SLC26A8: variants seen among roughly 807,000 people sequenced by gnomAD.
SLC26A8 encodes testis anion transporter 1.
Under a neutral mutation model 105.0 loss-of-function variants are expected in SLC26A8, and 70 were observed. That is an observed-to-expected ratio of 0.67 (90% confidence interval 0.55 to 0.81). The LOEUF (loss-of-function observed/expected upper bound fraction) is 0.81, where lower values mean the gene tolerates loss of function less well. SLC26A8 is among the 40% of genes least tolerant of loss of function. SLC26A8 has a pLI of 0.00. For missense variants in SLC26A8, 998 were observed against 1,181.8 expected (o/e 0.84, Z 2.28); for synonymous variants, 415 against 438.3 (o/e 0.95, Z 0.66).
intron 11 of SLC26A8, among the ~76,000 whole-genome samples, chr6:35,965,726 C>A (rs1313599643): frequency 6.7e-6 from 1 of 148,912 alleles, no homozygotes; most frequent in Non-Finnish European, 1.5e-5. Flanking sequence ...CATTTTTGTT[C>A]ACACCTGTAA....
chr6:35,973,745 C>T (rs943216082), intron 10 of SLC26A8, among the ~76,000 whole-genome samples: 2 of 152,162 alleles, frequency 1.3e-5, no homozygotes, highest in Non-Finnish European at 1.5e-5. Flanking sequence ...CACATATTTG[C>T]CCATGGACTA....
chr6:35,968,004 C>T (rs1307647812), intron 11 of SLC26A8, among the ~76,000 whole-genome samples: 1 of 151,600 alleles, frequency 6.6e-6, no homozygotes, highest in Non-Finnish European at 1.5e-5. Flanking sequence ...CCTGTCACCA[C>T]ACCCAGCTAA....
rs185292457 is a variant in SLC26A8 at position 35,963,408 on chromosome 6, C to T, written c.1366-787G>A. On this transcript the variant is annotated intron_variant, in intron 11 of 19. Coordinates refer to ENST00000490799, the MANE Select transcript of SLC26A8 (RefSeq NM_052961.4). ...AACTCGTTTTACAACCCTAAGCTCC[C>T]GCCTTAAGGTCTATGAATGCTCCTA... 7.9e-4 allele frequency among the ~76,000 whole-genome samples: 121 copies of T among 152,294 alleles called. 2 individuals are homozygous for T. Among genetic ancestry groups the T allele is most frequent in the African/African-American group, 2.5e-3 (105 of 41,554 alleles).
At chr6:35,958,760 A>C (rs1772195158) in intron 16 of SLC26A8, among the ~76,000 whole-genome samples, 1 of 152,156 alleles carries the variant, frequency 6.6e-6, no homozygotes, top group Non-Finnish European at 1.5e-5. Context: ...CTTTGTGTAT[A>C]GAGAGAGCTG....
At chr6:35,956,271 CT>C (rs1416888959) in intron 16 of SLC26A8, among the ~76,000 whole-genome samples, 6 of 150,986 alleles carry the variant, frequency 4.0e-5, no homozygotes. Flanking sequence ...TCGTGCCCCC[CT>C]GCCCCCTCCC....
intron 8 of SLC26A8, among the ~76,000 whole-genome samples, chr6:35,980,048 T>C (rs1051686684): frequency 2.0e-5 from 3 of 152,204 alleles, no homozygotes; most frequent in African/African-American, 4.8e-5. Flanking sequence ...TCCTAGCTTA[T>C]TGCAACCTCC....
At chr6:36,022,728 CTTATTA>C (rs1169662294) in intron 1 of SLC26A8, among the ~76,000 whole-genome samples, 1 of 151,842 alleles carries the variant, frequency 6.6e-6, no homozygotes, top group East Asian at 2.0e-4. Flanking sequence ...GCATGGTTTC[CTTATTA>C]TTTTTTTTAA....
At chr6:35,962,370 C>A (rs1344079927) in intron 12 of SLC26A8, among the ~76,000 whole-genome samples, 156 bp downstream of exon 12, 2 of 152,118 alleles carry the variant, frequency 1.3e-5, no homozygotes, top group African/African-American at 2.4e-5. Flanking sequence ...GTACCAACAA[C>A]CTTGACTCTC....
intron 7 of SLC26A8, among the ~76,000 whole-genome samples, chr6:35,986,935 G>A (rs1286700136): frequency 6.6e-6 from 1 of 151,938 alleles, no homozygotes; most frequent in African/African-American, 2.4e-5. Flanking sequence ...GAACATGAGA[G>A]TGCAGGTATC....
At chr6:36,009,862 T>C (rs538188901) in intron 3 of SLC26A8, among the ~76,000 whole-genome samples, 2 of 152,276 alleles carry the variant, frequency 1.3e-5, no homozygotes, top group East Asian at 3.9e-4. Context: ...AAAGGGTACA[T>C]GGGTTCTATC....
At chr6:36,000,552 C>T (rs1221374392) in intron 3 of SLC26A8, among the ~76,000 whole-genome samples, 1 of 152,156 alleles carries the variant, frequency 6.6e-6, no homozygotes, top group Non-Finnish European at 1.5e-5. Context: ...TGTGTTGGTT[C>T]TCTTCCATAG....
intron 1 of SLC26A8, among the ~76,000 whole-genome samples, chr6:36,022,993 G>T (rs2127379302): frequency 7.0e-6 from 1 of 142,352 alleles, no homozygotes; most frequent in African/African-American, 2.5e-5. Context: ...GTCTTGCTAG[G>T]TAGAAAAAAA....
chr6:35,978,146 GAAA>G (rs199662420), intron 8 of SLC26A8, among the ~76,000 whole-genome samples: 39 of 65,752 alleles, frequency 5.9e-4, no homozygotes, highest in African/African-American at 1.1e-3. Flanking sequence ...AGCACAAGAA[GAAA>G]AAAAAAAAAA....
Position 35,987,682 on chromosome 6 carries a change from A to AACAT in SLC26A8, c.942+3973_942+3976dup, listed in dbSNP as rs933781938. Reference sequence around the variant, plus strand: ...CACCGCTCCCAGTCTCCATTTTCTTAACATACTGCCCCTGTCATCATCACA... The same window carrying AACAT: ...CACCGCTCCCAGTCTCCATTTTCTTAACATACATACTGCCCCTGTCATCATCACA... On this transcript the variant is annotated intron_variant, in intron 7 of 19. Transcript: ENST00000490799. Among the ~76,000 whole-genome samples the AACAT allele has an allele frequency of 7.9e-5, 12 of 151,846 alleles. No individual in the cohort carries two copies. In the East Asian group the frequency reaches 2.0e-3, roughly 25 times the overall value.
In SLC26A8 at chr6:35,965,508, C is replaced by T. The variant is rs184495778; in HGVS notation, c.1366-2887G>A. ...CAGCCTGACCAACATGGAGAAACCC[C>T]GTCTCTACTAAAAATACAAAAAAGT... On this transcript the variant is annotated intron_variant, in intron 11 of 19. Coordinates refer to ENST00000490799, the MANE Select transcript of SLC26A8 (RefSeq NM_052961.4). Among the ~76,000 whole-genome samples the T allele has an allele frequency of 3.2e-3, 481 of 151,466 alleles. 2 individuals carry two copies. The highest frequency in any genetic ancestry group is 0.011 in the African/African-American group (440 of 41,248).
chr6:35,956,275 C>T (rs1039763033), intron 16 of SLC26A8, among the ~76,000 whole-genome samples: 5 of 150,856 alleles, frequency 3.3e-5, no homozygotes, highest in Non-Finnish European at 5.9e-5. Flanking sequence ...GCCCCCCTGC[C>T]CCCTCCCCAA....
intron 11 of SLC26A8, among the ~76,000 whole-genome samples, chr6:35,968,603 GTGTGTGTATATATATATATATA>G (rs1348183653): frequency 1.9e-5 from 1 of 52,394 alleles, no homozygotes; most frequent in African/African-American, 5.5e-5. Flanking sequence ...GTGTGTGTGT[GTGTGTGTATATATATATATATA>G]TATATATATA....
Position 36,019,718 on chromosome 6 carries a change from G to C in SLC26A8, c.-2-9C>G. On this transcript the variant is annotated splice_polypyrimidine_tract_variant and intron_variant, in intron 1 of 19. Coordinates refer to ENST00000490799, the MANE Select transcript of SLC26A8 (RefSeq NM_052961.4). The stretch of plus-strand genomic sequence containing the variant: ...CTCTAGTTGTGCCATTCCTGGATGA[G>C]TGGAAAGAGAGCAAATAAAAGAGCA... 1 of 1,595,936 alleles carries C rather than the reference G, an allele frequency of 6.3e-7. No homozygotes were observed. The highest frequency in any genetic ancestry group is 1.3e-5 in the African/African-American group (1 of 74,326).
chr6:35,954,663 G>A (rs1446184934), intron 17 of SLC26A8, among the ~76,000 whole-genome samples: 1 of 152,162 alleles, frequency 6.6e-6, no homozygotes, highest in Non-Finnish European at 1.5e-5. Context: ...GTTCATTTTA[G>A]GCTGGGCATG....
Sources: gnomAD v4.1 joint callset for allele counts (sites outside exome capture counted in the v4.1 genomes callset) on GRCh38, gnomAD v4.1.1 for gene constraint, MANE v1.5 for transcripts, NCBI Gene and HGNC (gene_info 2026-07-23, HGNC 2026-07-21) for gene names.